The following NHSL1 variants were observed in gnomAD, a reference collection of about 807,000 sequenced individuals.
NHSL1 encodes NHS-like protein 1.
A neutral mutation model predicts 95.0 loss-of-function variants in NHSL1; 48 were observed. That is an observed-to-expected ratio of 0.51 (90% CI 0.40 to 0.64). The LOEUF is 0.64. NHSL1 is among the 30% of genes least tolerant of loss of function. The pLI is 0.00. For missense variants in NHSL1, 1,971 were observed against 2,077.7 expected, an observed-to-expected ratio of 0.95 and a Z score of 1.00; for synonymous variants, 783 against 833.9, an observed-to-expected ratio of 0.94 and a Z score of 1.05.
At chr6:138,521,664 G>C (rs997959362) in intron 1 of NHSL1, among the ~76,000 whole-genome samples, 2 of 152,148 alleles carry the variant, frequency 1.3e-5, no homozygotes, top group African/African-American at 2.4e-5. Context: ...GAATCAAAGA[G>C]GATTAGAGTT....
At chr6:138,659,044 A>ATAAT (rs202139874) in intron 1 of NHSL1, among the ~76,000 whole-genome samples, 5,330 of 138,278 alleles carry the variant, frequency 0.039, 286 homozygotes, top group African/African-American at 0.12. Context: ...GATGTGGACT[A>ATAAT]TCTTTTTTTT....
chr6:138,465,769 G>A (rs1473079974), intron 3 of NHSL1, among the ~76,000 whole-genome samples: 2 of 147,774 alleles, frequency 1.4e-5, no homozygotes, highest in African/African-American at 5.0e-5. Context: ...TGTCGCCTAG[G>A]CTGGAGTGCA....
chr6:138,671,559 G>A (rs1785371576), intron 1 of NHSL1, among the ~76,000 whole-genome samples: 1 of 152,074 alleles, frequency 6.6e-6, no homozygotes, highest in Non-Finnish European at 1.5e-5. Flanking sequence ...TCTCTAGGAT[G>A]ACAGTGAAGG....
intron 1 of NHSL1, among the ~76,000 whole-genome samples, chr6:138,498,849 C>CA (rs1780509833): frequency 6.6e-6 from 1 of 152,066 alleles, no homozygotes; most frequent in African/African-American, 2.4e-5. Flanking sequence ...TCCAAAGAAT[C>CA]AAAAAATCAT....
At chr6:138,514,372 A>G (rs565216171) in intron 1 of NHSL1, among the ~76,000 whole-genome samples, 2 of 152,260 alleles carry the variant, frequency 1.3e-5, no homozygotes, top group African/African-American at 4.8e-5. Flanking sequence ...GGATGTTAAA[A>G]AAAATACAGT....
chr6:138,575,374 A>G (rs771409280), upstream of NHSL1, among the ~76,000 whole-genome samples: 11 of 152,168 alleles, frequency 7.2e-5, no homozygotes, highest in Non-Finnish European at 1.3e-4. Flanking sequence ...AGGAGAAGCT[A>G]AAGGAACATT....
At position 138,424,324 on chromosome 6, in the gene NHSL1, C is replaced by T. The variant is rs555109760; in HGVS notation, c.4578G>A (p.Ser1526=). The T allele has an allele frequency of 5.2e-6, 8 of 1,531,262 alleles. No homozygotes were observed. The highest frequency in any genetic ancestry group is 4.1e-5 in the Admixed American group (2 of 49,110). The allele number at this position is 1,531,262 out of a possible 1,614,324, so 94.9% of individuals were successfully genotyped here. A position where few individuals can be genotyped will look rare whatever the true frequency, so the allele number is the denominator to read the frequency against. The change falls in exon 8 of 8, where the codon TCG becomes TCA. Residue 1526 remains serine (S), a synonymous_variant. Transcript: ENST00000343505. The surrounding 1 kb of genome is among the most constrained non-coding windows in gnomAD (Gnocchi z 5.9). ...GCTCCACGGCTTCCCCTTCTCCCTC[C>T]GAGATGACGGTCATGGGGCTGCTCT... ...RIQSSPMTVI[S]EGEGEAVEPV...
At chr6:138,682,103 T>G (rs1785520535) in intron 1 of NHSL1, among the ~76,000 whole-genome samples, 3 of 151,900 alleles carry the variant, frequency 2.0e-5, no homozygotes, top group Admixed American at 2.0e-4. Flanking sequence ...TGCCTCAACC[T>G]CCCGAGATTA....
In NHSL1 at chr6:138,424,424, G is replaced by T; in HGVS notation, c.4478C>A (p.Ser1493Tyr). ...TCGGCTGCGGCCGTACCTGGGGCCG[G>T]AAAAGGACAGACTCCGAGGCATCAA... Reference protein sequence around the residue: ...EGLMPRSLSFSGPRYGRSRTP... With the variant: ...EGLMPRSLSFYGPRYGRSRTP... Residue 1493 changes from serine to tyrosine, a missense_variant, in exon 8 of 8, where the codon TCC becomes TAC. Ser to Tyr is a moderately radical substitution (Grantham distance 144). This residue lies in a region of NHSL1 where 223 missense variants were observed against 217.0 expected (regional missense o/e 1.03). Transcript: ENST00000343505. The surrounding 1 kb of genome is among the most constrained non-coding windows in gnomAD (Gnocchi z 5.9). The T allele has an allele frequency of 6.4e-7, 1 of 1,550,420 alleles. No homozygotes were observed. Among genetic ancestry groups the T allele is most frequent in the Non-Finnish European group, 8.7e-7 (1 of 1,146,152 alleles).
At chr6:138,543,359 A>G (rs866362170) in intron 1 of NHSL1, among the ~76,000 whole-genome samples, 1 of 152,242 alleles carries the variant, frequency 6.6e-6, no homozygotes. Context: ...TTGTAACTAT[A>G]TAAGTTACGA....
chr6:138,516,742 C>A (rs1047529362), intron 1 of NHSL1, among the ~76,000 whole-genome samples: 1 of 152,020 alleles, frequency 6.6e-6, no homozygotes. Flanking sequence ...TCAAGTCATC[C>A]TCCCACCTCA....
In NHSL1 at chr6:138,429,777, C is replaced by G; in HGVS notation, c.4019G>C (p.Gly1340Ala). 6.4e-7 allele frequency: 1 copy of G among 1,551,776 alleles called. No homozygotes were observed. The change falls in exon 7 of 8, where the codon GGG (glycine) becomes GCG (alanine). Residue 1340 changes from glycine to alanine, a missense_variant. Coordinates refer to ENST00000343505, the MANE Select transcript of NHSL1 (RefSeq NM_001144060.2). ...ACTGGGGGTCATTACCTCATCATTC[C>G]CGTCTTCCTTGAGGAAGTCACAGGC... ...SEACDFLKED[G>A]NDEVMTPSRP...
At chr6:138,496,877 T>C (rs1325531833) in intron 1 of NHSL1, among the ~76,000 whole-genome samples, 1 of 152,258 alleles carries the variant, frequency 6.6e-6, no homozygotes, top group Admixed American at 6.5e-5. Context: ...CTCAATTACA[T>C]TTTTAAAAAA....
intron 3 of NHSL1, among the ~76,000 whole-genome samples, chr6:138,463,716 C>T (rs529375055): frequency 8.6e-4 from 130 of 151,950 alleles, no homozygotes; most frequent in Middle Eastern, 3.4e-3. Context: ...CTGACAGGCC[C>T]CGGTGTGTGA....
At chr6:138,543,533 C>T (rs533461280) in intron 1 of NHSL1, among the ~76,000 whole-genome samples, 1 of 152,270 alleles carries the variant, frequency 6.6e-6, no homozygotes, top group African/African-American at 2.4e-5. Flanking sequence ...TCAGCAATTA[C>T]AAGAAACACA....
At position 138,663,597 on chromosome 6, in the gene NHSL1, C is replaced by T. The variant is rs140053326; in HGVS notation, c.96+28879G>A. Among the ~76,000 whole-genome samples, 683 of 148,294 alleles carry T rather than the reference C, an allele frequency of 4.6e-3. 5 individuals carry two copies. Among genetic ancestry groups the T allele is most frequent in the African/African-American group, 0.016 (650 of 39,902 alleles). On this transcript the variant is annotated intron_variant, in intron 1 of 3. Coordinates refer to the NHSL1 transcript ENST00000491526. ...AAAAAAAAAATTTCTAGGCCGGGCA[C>T]GGTGGCTCACGCCTGCAATCTCAGC...
At chr6:138,555,405 G>C (rs1003334186) in intron 1 of NHSL1, among the ~76,000 whole-genome samples, 4 of 152,154 alleles carry the variant, frequency 2.6e-5, no homozygotes, top group African/African-American at 9.7e-5. Flanking sequence ...AAAATAGAAT[G>C]CTAAGTTTAA....
intron 1 of NHSL1, among the ~76,000 whole-genome samples, chr6:138,589,971 A>C (rs906946726): frequency 2.6e-5 from 4 of 151,860 alleles, no homozygotes; most frequent in Non-Finnish European, 5.9e-5. Flanking sequence ...GCCAGCCTCT[A>C]GTGTTTTTCT....
In NHSL1 at chr6:138,626,770, TG is replaced by T. The variant is rs1784743807; in HGVS notation, c.96+65705del. ...TTAGCCGGGCGTAGTGGCGGGCGCC[TG>T]TCGTCCCAGCTACTTGGGAGGCTGA... On this transcript the variant is annotated intron_variant, in intron 1 of 3. Coordinates refer to the NHSL1 transcript ENST00000491526. Among the ~76,000 whole-genome samples the T allele has an allele frequency of 1.8e-5, 2 of 112,622 alleles. 1 individual carries two copies. The highest frequency in any genetic ancestry group is 3.5e-5 in the Non-Finnish European group (2 of 56,728). 73.9% of individuals were successfully genotyped at this position (112,622 alleles called of 152,430 possible).
Sources: allele counts gnomAD v4.1 joint callset (sites outside exome capture counted in the v4.1 genomes callset), GRCh38; gene constraint gnomAD v4.1.1; regional missense constraint gnomAD v4.1.1; non-coding constraint Gnocchi (gnomAD v3.1); transcripts MANE v1.5; gene names NCBI Gene and HGNC (gene_info 2026-07-23, HGNC 2026-07-21).